GRM5: variants seen among roughly 807,000 people sequenced by gnomAD.
GRM5 encodes the protein metabotropic glutamate receptor 5.
A neutral mutation model predicts 83.1 loss-of-function variants in GRM5; 19 were observed. The observed-to-expected ratio is 0.23, with a 90% CI of 0.16 to 0.34. GRM5 has a LOEUF of 0.34. GRM5 is among the 10% of genes least tolerant of loss of function. GRM5 has a pLI of 1.00. For missense variants in GRM5, 1,160 were observed against 1,588.3 expected (o/e 0.73, Z 4.58); for synonymous variants, 675 against 633.6 (o/e 1.07, Z -0.98).
chr11:88,662,359 A>T (rs1939929978), intron 3 of GRM5, among the ~76,000 whole-genome samples: 1 of 152,206 alleles, frequency 6.6e-6, no homozygotes, highest in Non-Finnish European at 1.5e-5. Context: ...CAGTAATGAC[A>T]GCAGAGAACT....
At chr11:88,964,947 T>C (rs1938902420) in intron 2 of GRM5, among the ~76,000 whole-genome samples, 1 of 152,170 alleles carries the variant, frequency 6.6e-6, no homozygotes, top group South Asian at 2.1e-4. Context: ...AAAAAGTTGC[T>C]AAGTTAACTC....
chr11:88,613,170 C>T (rs1244506201), intron 4 of GRM5, among the ~76,000 whole-genome samples: 2 of 152,072 alleles, frequency 1.3e-5, no homozygotes, highest in East Asian at 3.9e-4. Flanking sequence ...AATGTATATT[C>T]TGTTGTTTTT....
intron 7 of GRM5, among the ~76,000 whole-genome samples, chr11:88,574,985 C>CTTTCT (rs1555071684): frequency 8.6e-6 from 1 of 116,180 alleles, no homozygotes; most frequent in African/African-American, 3.2e-5. Context: ...CTTTTCTTTT[C>CTTTCT]TTTTTTTTTT....
chr11:88,710,242 G>C (rs1460341375), intron 3 of GRM5, among the ~76,000 whole-genome samples: 1 of 151,968 alleles, frequency 6.6e-6, no homozygotes, highest in Non-Finnish European at 1.5e-5. Context: ...AAAAGTAGTG[G>C]GTAGAAAGAA....
intron 3 of GRM5, among the ~76,000 whole-genome samples, chr11:88,747,242 A>C (rs11822176): frequency 0.088 from 13,327 of 152,256 alleles, 682 homozygotes; most frequent in African/African-American, 0.15. Context: ...CTAATGATTT[A>C]TTCAGATGCA....
intron 2 of GRM5, among the ~76,000 whole-genome samples, chr11:88,979,143 A>C (rs2135019752): frequency 6.6e-6 from 1 of 152,296 alleles, no homozygotes; most frequent in Admixed American, 6.5e-5. Context: ...ATAATGGGAA[A>C]GTCACAGGCA....
At chr11:88,607,031 A>G (rs1332667651) in intron 4 of GRM5, among the ~76,000 whole-genome samples, 2 of 150,470 alleles carry the variant, frequency 1.3e-5, no homozygotes, top group Non-Finnish European at 2.9e-5. Flanking sequence ...GTAGAGGCTT[A>G]TCATCTCCAT....
chr11:88,902,334 A>G (rs1207235838), intron 2 of GRM5, among the ~76,000 whole-genome samples: 1 of 152,094 alleles, frequency 6.6e-6, no homozygotes, highest in Non-Finnish European at 1.5e-5. Flanking sequence ...CCCCAGACTC[A>G]CATTCTATCT....
At chr11:88,724,798 C>T (rs568007581) in intron 3 of GRM5, among the ~76,000 whole-genome samples, 1 of 152,178 alleles carries the variant, frequency 6.6e-6, no homozygotes, top group South Asian at 2.1e-4. Context: ...CCGGGAAGTA[C>T]AAGGGGTTGG....
intron 2 of GRM5, among the ~76,000 whole-genome samples, chr11:88,883,474 G>A (rs1170356070): frequency 6.6e-6 from 1 of 152,158 alleles, no homozygotes; most frequent in East Asian, 1.9e-4. Context: ...GTATCTGGTG[G>A]AAGAAATTTC....
chr11:88,689,420 A>C (rs1413782928), intron 3 of GRM5, among the ~76,000 whole-genome samples: 1 of 152,252 alleles, frequency 6.6e-6, no homozygotes, highest in Non-Finnish European at 1.5e-5. Flanking sequence ...TGTATAAGCC[A>C]TACAAAAATG....
At chr11:88,517,916 A>G (rs1384946445) in intron 9 of GRM5, among the ~76,000 whole-genome samples, 1 of 152,156 alleles carries the variant, frequency 6.6e-6, no homozygotes, top group Non-Finnish European at 1.5e-5. Context: ...GTGTGCATAT[A>G]GATGTGTGTG....
chr11:88,990,285 C>A (rs1248506735), intron 2 of GRM5, among the ~76,000 whole-genome samples: 21 of 152,162 alleles, frequency 1.4e-4, no homozygotes, highest in East Asian at 1.4e-3. Context: ...ATTCCTCGAC[C>A]CATACACTTT....
intron 3 of GRM5, among the ~76,000 whole-genome samples, chr11:88,825,509 A>G (rs553945328): frequency 2.0e-5 from 3 of 152,200 alleles, no homozygotes; most frequent in Admixed American, 2.0e-4. Context: ...TCAGCAAATC[A>G]ACATTTTCTA....
chr11:88,642,525 G>A (rs767467241), intron 4 of GRM5, among the ~76,000 whole-genome samples: 1 of 152,122 alleles, frequency 6.6e-6, no homozygotes, highest in African/African-American at 2.4e-5. Flanking sequence ...ACACAGTCAG[G>A]CTGTAAATTT....
chr11:88,562,119 A>G (rs1012747769), intron 8 of GRM5, among the ~76,000 whole-genome samples: 5 of 152,184 alleles, frequency 3.3e-5, no homozygotes, highest in Non-Finnish European at 7.3e-5. Flanking sequence ...TTACTTGGAA[A>G]AAAATGGTCT....
At chr11:88,758,787 A>G (rs1942449933) in intron 3 of GRM5, among the ~76,000 whole-genome samples, 1 of 152,162 alleles carries the variant, frequency 6.6e-6, no homozygotes, top group Non-Finnish European at 1.5e-5. Flanking sequence ...AAGACACATA[A>G]TCTCAGAATC....
chr11:88,663,824 G>GTTTAATAT (rs1939968191), intron 3 of GRM5, among the ~76,000 whole-genome samples: 2 of 152,140 alleles, frequency 1.3e-5, no homozygotes, highest in Admixed American at 1.3e-4. Context: ...TGATTGCACG[G>GTTTAATAT]TGCTAAGTGC....
chr11:88,930,872 A>G (rs1329789428), intron 2 of GRM5, among the ~76,000 whole-genome samples: 1 of 152,044 alleles, frequency 6.6e-6, no homozygotes, highest in Non-Finnish European at 1.5e-5. Flanking sequence ...CAACTCCTTA[A>G]TGGTAGAGAA....
Sources: gnomAD v4.1 joint callset for allele counts (sites outside exome capture counted in the v4.1 genomes callset) on GRCh38, gnomAD v4.1.1 for gene constraint, MANE v1.5 for transcripts, NCBI Gene and HGNC (gene_info 2026-07-23, HGNC 2026-07-21) for gene names.